URGCP: variants seen among roughly 807,000 people sequenced by gnomAD.
URGCP encodes upregulator of cell proliferation, also known as up-regulator of cell proliferation.
In URGCP, 13 loss-of-function variants were observed where a neutral mutation model predicts 24.6. That is an observed-to-expected ratio of 0.53 (90% confidence interval 0.34 to 0.84). The LOEUF (loss-of-function observed/expected upper bound fraction) is 0.84, where lower values mean the gene tolerates loss of function less well. Among genes scored for constraint, URGCP ranks in the 40% least tolerant of loss-of-function variants. The pLI is 0.01. For synonymous variants in URGCP, 444 were observed against 487.2 expected, an observed-to-expected ratio of 0.91 and a Z score of 1.17; for missense variants, 899 against 1,194.3, an observed-to-expected ratio of 0.75 and a Z score of 3.64.
intron 1 of URGCP, chr7:43,919,031 G>A (rs916363236): frequency 2.7e-6 from 3 of 1,114,006 alleles, no homozygotes; most frequent in South Asian, 2.5e-5. Context: ...CCCAGAGGGA[G>A]AAGATCCATG....
chr7:43,881,317 CG>C, intron 5 of URGCP: 1 of 680,132 alleles, frequency 1.5e-6, no homozygotes, highest in Non-Finnish European at 2.6e-6. Context: ...GTTTCCAAAC[CG>C]GGCTGTACAT....
At chr7:43,894,893 T>C (rs1004837602) in intron 1 of URGCP, among the ~76,000 whole-genome samples, 9 of 152,176 alleles carry the variant, frequency 5.9e-5, no homozygotes, top group Admixed American at 4.6e-4. Context: ...CAGCCAACCA[T>C]GGTGGCTCAC....
rs1328071205 is a variant in URGCP at position 43,877,491 on chromosome 7, G to T, written c.1972C>A (p.Leu658Met). ...GLASELLLTGLPLELIDGSTL... is the reference protein window; with the variant it reads ...GLASELLLTGMPLELIDGSTL... ...CTCCCATCGATTAGCTCCAGAGGCAGCCCTGTCAGCAGCAGCTCCGAGGCC... is the reference window on the plus strand; with the variant it reads ...CTCCCATCGATTAGCTCCAGAGGCATCCCTGTCAGCAGCAGCTCCGAGGCC... Residue 658 changes from leucine (L) to methionine (M), a missense_variant, in exon 6 of 6, where the codon CTG becomes ATG. Coordinates refer to ENST00000453200, the MANE Select transcript of URGCP (RefSeq NM_001077663.3). The T allele has an allele frequency of 6.2e-7, 1 of 1,613,426 alleles. No individual in the cohort carries two copies. Among genetic ancestry groups the T allele is most frequent in the Non-Finnish European group, 8.5e-7 (1 of 1,180,026 alleles).
Position 43,877,128 on chromosome 7 carries a change from T to G in URGCP, c.2335A>C (p.Met779Leu), listed in dbSNP as rs2232108. The change falls in exon 6 of 6, where the codon ATG becomes CTG. Residue 779 changes from methionine (M) to leucine (L), a missense_variant. Transcript: ENST00000453200. The stretch of plus-strand genomic sequence containing the variant: ...ATCACGGTGACATTGCTCAGTCCCA[T>G]GAGCAGAGTGGCCAAGGAAGCCTCC... ...ELEASLATLL[M>L]GLSNVTVISL... 0.49 allele frequency: 785,069 copies of G among 1,613,912 alleles called. 193,405 individuals are homozygous for G. Among genetic ancestry groups the G allele is most frequent in the South Asian group, 0.63 (57,026 of 91,086 alleles).
intron 1 of URGCP, chr7:43,918,811 A>G (rs1585840539): frequency 8.7e-7 from 1 of 1,151,746 alleles, no homozygotes; most frequent in East Asian, 2.3e-5. Flanking sequence ...ACCATGGAGG[A>G]GTTCGCTACT....
At chr7:43,887,370 A>C in intron 3 of URGCP, 45 bp downstream of exon 3, 3 of 1,608,774 alleles carry the variant, frequency 1.9e-6, no homozygotes, top group Non-Finnish European at 2.5e-6. Flanking sequence ...CAGGAGAAGT[A>C]CTTCAGCTCC....
At chr7:43,885,832 T>G (rs1188887254) in intron 3 of URGCP, among the ~76,000 whole-genome samples, 1 of 152,222 alleles carries the variant, frequency 6.6e-6, no homozygotes, top group Non-Finnish European at 1.5e-5. Flanking sequence ...TGCAGGCTGC[T>G]GAGCAAATAC....
At position 43,878,565 on chromosome 7, in the gene URGCP, A is replaced by G. The variant is rs538273717; in HGVS notation, c.898T>C (p.Leu300=). The G allele has an allele frequency of 6.2e-7, 1 of 1,614,190 alleles. No homozygotes were observed. The highest frequency in any genetic ancestry group is 1.3e-5 in the African/African-American group (1 of 75,058). Reference sequence around the variant, plus strand: ...GAAATCTCCCGGGCATTGGTGCCCAAGTTGAGGTCCCGATGCCAGAAGCAG... The same window carrying G: ...GAAATCTCCCGGGCATTGGTGCCCAGGTTGAGGTCCCGATGCCAGAAGCAG... ...WDCFWHRDLN[L]GTNAREISDG... is the part of the protein sequence containing the mutation. The change falls in exon 6 of 6, where the codon TTG becomes CTG. Residue 300 remains leucine (L), a synonymous_variant. Coordinates refer to ENST00000453200, the MANE Select transcript of URGCP (RefSeq NM_001077663.3). This position sits in a 1 kb window ranked among gnomAD's most constrained non-coding sequence, Gnocchi z 5.6.
chr7:43,899,093 C>T (rs561228368), intron 1 of URGCP, among the ~76,000 whole-genome samples: 2 of 149,386 alleles, frequency 1.3e-5, no homozygotes, highest in Non-Finnish European at 3.0e-5. Context: ...AAGACTACAC[C>T]ACTGCACTCC....
chr7:43,889,536 A>G (rs373710630), intron 1 of URGCP: 1 of 152,348 alleles, frequency 6.6e-6, no homozygotes, highest in East Asian at 1.9e-4. Flanking sequence ...AAAATTACTA[A>G]TATCACCATA....
intron 1 of URGCP, among the ~76,000 whole-genome samples, chr7:43,925,451 T>C (rs535597464): frequency 6.6e-6 from 1 of 152,310 alleles, no homozygotes; most frequent in East Asian, 1.9e-4. Context: ...CCACAATTCT[T>C]ACCTTTACTA....
At chr7:43,885,901 G>A (rs570914917) in intron 3 of URGCP, among the ~76,000 whole-genome samples, 2 of 152,330 alleles carry the variant, frequency 1.3e-5, no homozygotes, top group African/African-American at 4.8e-5. Flanking sequence ...AATGTGCCTA[G>A]TGGCTACTGT....
chr7:43,919,551 G>A (rs887391911), intron 1 of URGCP: 18 of 1,400,694 alleles, frequency 1.3e-5, no homozygotes, highest in African/African-American at 9.9e-5. Context: ...AGTGGCCAGC[G>A]TGAGGAAGAC....
Position 43,892,735 on chromosome 7 carries a change from G to A in URGCP, c.15-4919C>T, listed in dbSNP as rs915828025. ...CAACACTCCTTCTAGGGGGACACAA[G>A]TCAACACACGAGAAGATCTAAGCCA... On this transcript the variant is annotated intron_variant, in intron 1 of 5. Transcript: ENST00000453200. Among the ~76,000 whole-genome samples, 6 of 152,244 alleles carry A rather than the reference G, an allele frequency of 3.9e-5. 1 individual carries two copies. The South Asian group carries it at 1.2e-3, about 32-fold the overall frequency.
At chr7:43,884,066 G>A (rs2095858624) in intron 3 of URGCP, among the ~76,000 whole-genome samples, 1 of 152,190 alleles carries the variant, frequency 6.6e-6, no homozygotes, top group Non-Finnish European at 1.5e-5. Context: ...TTAAGCTGGA[G>A]TCAGGAGTAA....
At chr7:43,908,412 G>A (rs892790490), upstream of URGCP, among the ~76,000 whole-genome samples, 1 of 152,164 alleles carries the variant, frequency 6.6e-6, no homozygotes, top group Non-Finnish European at 1.5e-5. Context: ...AGGAATACAT[G>A]TTTACTGACA....
At chr7:43,902,140 A>G (rs1415526055) in intron 1 of URGCP, among the ~76,000 whole-genome samples, 1 of 114,208 alleles carries the variant, frequency 8.8e-6, no homozygotes, top group Admixed American at 1.0e-4. Flanking sequence ...GAGGAGGGGA[A>G]GGGAAGGGGG....
chr7:43,918,278 A>AG (rs958639867), intron 1 of URGCP, among the ~76,000 whole-genome samples: 4 of 151,280 alleles, frequency 2.6e-5, no homozygotes, highest in African/African-American at 9.8e-5. Flanking sequence ...AAAAAAAAAA[A>AG]AAAGAAAGAA....
intron 5 of URGCP, chr7:43,881,075 CA>C (rs946136068): frequency 2.3e-5 from 15 of 654,856 alleles, no homozygotes; most frequent in Non-Finnish European, 2.7e-6. Flanking sequence ...CACATTGTGC[CA>C]AAACAGGTGT....
Sources: allele counts gnomAD v4.1 joint callset (sites outside exome capture counted in the v4.1 genomes callset), GRCh38; gene constraint gnomAD v4.1.1; non-coding constraint Gnocchi (gnomAD v3.1); transcripts MANE v1.5; gene names NCBI Gene and HGNC (gene_info 2026-07-23, HGNC 2026-07-21).